Variants in SENP1 observed in about 807,000 individuals in gnomAD.
SENP1 encodes the protein sentrin-specific protease 1.
A neutral mutation model predicts 93.0 loss-of-function variants in SENP1; 21 were observed. That is an observed-to-expected ratio of 0.23 (90% CI 0.16 to 0.33). The LOEUF is 0.33. Among genes scored for constraint, SENP1 ranks in the 10% least tolerant of loss-of-function variants. The pLI, the probability that SENP1 is intolerant of heterozygous loss-of-function variation, is 1.00. For missense variants in SENP1, 591 were observed against 758.7 expected, an observed-to-expected ratio of 0.78 and a Z score of 2.60; for synonymous variants, 256 against 259.6, an observed-to-expected ratio of 0.99 and a Z score of 0.13.
rs1475860800 is a variant in SENP1, at chr12:48,043,205, A to G, written c.*2117T>C. 1 of 152,674 alleles carries G rather than the reference A, an allele frequency of 6.5e-6. No homozygotes were observed. The highest frequency in any genetic ancestry group is 1.5e-5 in the Non-Finnish European group (1 of 68,048). 9.5% of individuals were successfully genotyped at this position (152,674 alleles called of 1,614,324 possible). A position where few individuals can be genotyped will look rare whatever the true frequency, so the allele number is the denominator to read the frequency against. Reference sequence around the variant, plus strand: ...GGGGGCCCAAATTCAGACAGGCTCAACAATTCCTTATATATTTTTCAAAGT... The same window carrying G: ...GGGGGCCCAAATTCAGACAGGCTCAGCAATTCCTTATATATTTTTCAAAGT... On this transcript the variant is annotated 3_prime_UTR_variant, in exon 18 of 18. Transcript: ENST00000549518.
intron 5 of SENP1, among the ~76,000 whole-genome samples, chr12:48,086,731 A>G (rs896774159): frequency 3.9e-5 from 6 of 152,200 alleles, no homozygotes; most frequent in Non-Finnish European, 8.8e-5. Flanking sequence ...CAGAAAAGTC[A>G]TGTCATTTAA....
At chr12:48,088,722 T>A (rs529768022) in intron 5 of SENP1, 79 bp downstream of exon 5, 15 of 1,319,418 alleles carry the variant, frequency 1.1e-5, no homozygotes, top group Non-Finnish European at 1.6e-5. Flanking sequence ...AAAATCCCAA[T>A]GTAATAACTA....
rs1344617368 is a variant in SENP1 at position 48,043,956 on chromosome 12, G to C, written c.*1366C>G. On this transcript the variant is annotated 3_prime_UTR_variant, in exon 18 of 18. Transcript: ENST00000549518. ...ATACAAAACTACCTATTACAATACA[G>C]AAAAAAGTATAAAATGTTCCTACTT... The C allele has an allele frequency of 2.0e-5, 3 of 152,362 alleles. No homozygotes were observed. Among genetic ancestry groups the C allele is most frequent in the Non-Finnish European group, 4.4e-5 (3 of 68,002 alleles). 9.4% of individuals were successfully genotyped at this position (152,362 alleles called of 1,614,324 possible).
chr12:48,057,761 C>A (rs1205285519), intron 13 of SENP1, among the ~76,000 whole-genome samples: 1 of 150,354 alleles, frequency 6.7e-6, no homozygotes, highest in Non-Finnish European at 1.5e-5. Flanking sequence ...CGATGACGGG[C>A]TAATTTTTTT....
chr12:48,057,785 C>CA (rs1018825495), intron 13 of SENP1, among the ~76,000 whole-genome samples: 2 of 150,248 alleles, frequency 1.3e-5, no homozygotes, highest in Non-Finnish European at 3.0e-5. Context: ...TTTTAGTAGA[C>CA]AGAGTTTTGC....
In SENP1 at chr12:48,046,435, A is replaced by T; in HGVS notation, c.1793T>A (p.Met598Lys). The change falls in exon 17 of 18, where the codon ATG becomes AAG. Residue 598 changes from methionine to lysine, a missense_variant. Physicochemically the swap from Met to Lys is moderately conservative, Grantham distance 95 (BLOSUM62 -1). This residue lies in a region of SENP1 where 132 missense variants were observed against 230.1 expected (regional missense o/e 0.57). Transcript: ENST00000549518. ...SKKSQEIPQQ[M>K]NGSDCGMFAC... ...AAACATCCCACAGTCACTTCCATTC[A>T]TCTGCTGAGGAATCTCCTGGAAGAC... The T allele has an allele frequency of 6.2e-7, 1 of 1,611,312 alleles. No individual in the cohort carries two copies. The highest frequency in any genetic ancestry group is 8.5e-7 in the Non-Finnish European group (1 of 1,177,524).
At chr12:48,096,553 T>G (rs1353335397) in intron 3 of SENP1, 126 bp from the exon 4 acceptor site, 3 of 591,358 alleles carry the variant, frequency 5.1e-6, no homozygotes, top group Non-Finnish European at 9.0e-6. Context: ...CCTCCTGAGT[T>G]CAAGTGATTC....
intron 4 of SENP1, among the ~76,000 whole-genome samples, chr12:48,092,362 G>A (rs1372505419): frequency 6.6e-6 from 1 of 152,222 alleles, no homozygotes; most frequent in Non-Finnish European, 1.5e-5. Flanking sequence ...AGCATAATTG[G>A]AATGAGTGTG....
At chr12:48,065,708 A>G (rs1368841693) in intron 10 of SENP1, 28 bp from the exon 11 acceptor site, 2 of 1,358,090 alleles carry the variant, frequency 1.5e-6, no homozygotes, top group Non-Finnish European at 2.1e-6. Flanking sequence ...ACGTGACCAA[A>G]TGTAGACCAC....
At chr12:48,077,436 A>G (rs1944178453) in intron 6 of SENP1, among the ~76,000 whole-genome samples, 1 of 152,140 alleles carries the variant, frequency 6.6e-6, no homozygotes, top group Non-Finnish European at 1.5e-5. Context: ...TGATTTTTGC[A>G]TATGGTATGA....
intron 4 of SENP1, among the ~76,000 whole-genome samples, chr12:48,095,088 C>T (rs1256232967): frequency 6.6e-6 from 1 of 152,144 alleles, no homozygotes; most frequent in Non-Finnish European, 1.5e-5. Flanking sequence ...TATCACCCAC[C>T]TAAATCACAT....
chr12:48,060,397 A>G (rs1207767348), intron 13 of SENP1, among the ~76,000 whole-genome samples: 1 of 152,242 alleles, frequency 6.6e-6, no homozygotes, highest in Non-Finnish European at 1.5e-5. Flanking sequence ...AGCCTAAAGC[A>G]GTACTCAGGA....
At chr12:48,065,032 T>C (rs1408702348) in intron 12 of SENP1, 33 bp downstream of exon 12, 1 of 1,408,664 alleles carries the variant, frequency 7.1e-7, no homozygotes, top group East Asian at 2.3e-5. Context: ...ACATGATACT[T>C]AGTAGTGTAG....
intron 1 of SENP1, 120 bp downstream of exon 1, chr12:48,105,908 C>T (rs1946528101): frequency 3.1e-6 from 2 of 638,520 alleles, no homozygotes; most frequent in Non-Finnish European, 5.7e-6. Context: ...AGGCGCCGGC[C>T]CCACAGTGCT....
intron 2 of SENP1, among the ~76,000 whole-genome samples, chr12:48,098,855 A>C (rs2137305059): frequency 6.6e-6 from 1 of 152,060 alleles, no homozygotes; most frequent in Middle Eastern, 3.4e-3. Flanking sequence ...TTGAAGAACA[A>C]CTCTGCAATA....
chr12:48,106,056 G>A lies in SENP1; in HGVS notation c.-73C>T, dbSNP rs1374862230. 5 of 702,394 alleles carry A rather than the reference G, an allele frequency of 7.1e-6. No individual in the cohort carries two copies. The South Asian group carries it at 7.4e-5, about 10-fold the overall frequency. 43.5% of individuals were successfully genotyped at this position (702,394 alleles called of 1,614,324 possible). A position where few individuals can be genotyped will look rare whatever the true frequency, so the allele number is the denominator to read the frequency against. ...ACCGGAACCGGCTGCCATGCGAAGG[G>A]GTTTCCGGCCGGGCGCGGAACGCAA... On this transcript the variant is annotated 5_prime_UTR_variant, in exon 1 of 18. Coordinates refer to ENST00000549518, the MANE Select transcript of SENP1 (RefSeq NM_001267594.2).
At chr12:48,083,493 G>T in intron 6 of SENP1, 98 bp downstream of exon 6, 1 of 933,704 alleles carries the variant, frequency 1.1e-6, no homozygotes, top group Non-Finnish European at 1.7e-6. Context: ...GGATAAAATA[G>T]AATGGTTCTT....
Position 48,102,431 on chromosome 12 carries a change from C to CAAA in SENP1, c.-44-918_-44-916dup, listed in dbSNP as rs57161608. On this transcript the variant is annotated intron_variant, in intron 1 of 17. Coordinates refer to ENST00000549518, the MANE Select transcript of SENP1 (RefSeq NM_001267594.2). The stretch of plus-strand genomic sequence containing the variant: ...TGGGCGACAGAGCAAGACTCTGTCT[C>CAAA]AAAAAAAAAAAAAAAAAAAAAAACC... Among the ~76,000 whole-genome samples, 177 of 47,246 alleles carry CAAA rather than the reference C, an allele frequency of 3.7e-3. 2 individuals carry two copies. Among genetic ancestry groups the CAAA allele is most frequent in the African/African-American group, 0.011 (133 of 12,374 alleles). The allele number at this position is 47,246 out of a possible 152,430, so 31.0% of individuals were successfully genotyped here. A position where few individuals can be genotyped will look rare whatever the true frequency, so the allele number is the denominator to read the frequency against.
At chr12:48,062,348 T>C (rs1483633645) in intron 13 of SENP1, among the ~76,000 whole-genome samples, 1 of 152,226 alleles carries the variant, frequency 6.6e-6, no homozygotes, top group Non-Finnish European at 1.5e-5. Flanking sequence ...GTGAGCTCTT[T>C]TTTTCCATTA....
Sources: gnomAD v4.1 joint callset for allele counts (sites outside exome capture counted in the v4.1 genomes callset) on GRCh38, gnomAD v4.1.1 for gene constraint, gnomAD v4.1.1 regional missense constraint, MANE v1.5 for transcripts, NCBI Gene and HGNC (gene_info 2026-07-23, HGNC 2026-07-21) for gene names.